The following RIT2 variants were observed in gnomAD, a reference collection of about 807,000 sequenced individuals.
RIT2 encodes Ras like without CAAX 2.
A neutral mutation model predicts 23.7 loss-of-function variants in RIT2; 24 were observed. The ratio of observed to expected loss-of-function variants is 1.01; its 90% CI spans 0.73 to 1.43. RIT2 has a LOEUF of 1.43. Among genes scored for constraint, RIT2 ranks in the 40% most tolerant of loss-of-function variants. The probability of loss-of-function intolerance (pLI) is 0.00; values close to 1 mark genes in which losing one functional copy is unlikely to be tolerated. For missense variants in RIT2, 236 were observed against 266.9 expected, an observed-to-expected ratio of 0.88 and a Z score of 0.81; for synonymous variants, 107 against 91.1, an observed-to-expected ratio of 1.17 and a Z score of -0.99.
intron 3 of RIT2, among the ~76,000 whole-genome samples, chr18:42,926,666 C>T (rs553788277): frequency 8.9e-4 from 135 of 151,998 alleles, no homozygotes; most frequent in Middle Eastern, 3.4e-3. Context: ...AGTTATTGTG[C>T]TTGTTGACCA....
chr18:42,747,834 C>A (rs1163062516), intron 4 of RIT2, among the ~76,000 whole-genome samples: 3 of 151,880 alleles, frequency 2.0e-5, no homozygotes, highest in Non-Finnish European at 4.4e-5. Flanking sequence ...TGGCAAGCCA[C>A]ACGTAGAAGA....
chr18:42,925,554 T>C (rs1909159600), intron 3 of RIT2, among the ~76,000 whole-genome samples: 1 of 151,978 alleles, frequency 6.6e-6, no homozygotes, highest in African/African-American at 2.4e-5. Context: ...TTATGCTACT[T>C]TCTGATTATT....
chr18:42,856,827 CTTTTTTTTTTT>C (rs756725926), intron 4 of RIT2, among the ~76,000 whole-genome samples: 3 of 114,656 alleles, frequency 2.6e-5, no homozygotes, highest in Admixed American at 2.0e-4. Context: ...CTCTCTCTCT[CTTTTTTTTTTT>C]TTTTTTTTTG....
In RIT2 at chr18:43,022,091, G is replaced by A. The variant is rs886690446; in HGVS notation, c.160+11720C>T. The stretch of plus-strand genomic sequence containing the variant: ...CAATGGATGAATGAATAAAGAAAAC[G>A]TGATACATAAACACAATGGAATACT... On this transcript the variant is annotated intron_variant, in intron 2 of 4. Transcript: ENST00000326695. 6.6e-5 allele frequency among the ~76,000 whole-genome samples: 10 copies of A among 152,074 alleles called. No homozygotes were observed. In the East Asian group the frequency reaches 9.7e-4, roughly 15 times the overall value.
At chr18:42,955,888 CTG>C (rs1909960547) in intron 3 of RIT2, among the ~76,000 whole-genome samples, 1 of 152,158 alleles carries the variant, frequency 6.6e-6, no homozygotes, top group African/African-American at 2.4e-5. Context: ...TATAACTACT[CTG>C]TATGAATTTA....
intron 3 of RIT2, among the ~76,000 whole-genome samples, chr18:42,951,498 G>A (rs1446269625): frequency 6.6e-6 from 1 of 151,368 alleles, no homozygotes; most frequent in Non-Finnish European, 1.5e-5. Flanking sequence ...CTGGGCGATG[G>A]GATAATTCAT....
chr18:42,813,954 G>C (rs1479991824), intron 4 of RIT2, among the ~76,000 whole-genome samples: 1 of 152,182 alleles, frequency 6.6e-6, no homozygotes. Flanking sequence ...TATCCCCACT[G>C]GGGAAACTGA....
At chr18:42,856,949 C>T (rs1907201587) in intron 4 of RIT2, among the ~76,000 whole-genome samples, 1 of 151,348 alleles carries the variant, frequency 6.6e-6, no homozygotes, top group African/African-American at 2.4e-5. Context: ...CTGCCTCAGC[C>T]TCCGGAGCAG....
At chr18:42,885,280 T>A (rs1466337897) in intron 4 of RIT2, among the ~76,000 whole-genome samples, 1 of 152,150 alleles carries the variant, frequency 6.6e-6, no homozygotes, top group East Asian at 1.9e-4. Flanking sequence ...AGAAATATTC[T>A]CTAGTTAAAG....
intron 2 of RIT2, among the ~76,000 whole-genome samples, chr18:43,015,496 A>G (rs1315392127): frequency 1.3e-5 from 2 of 151,764 alleles, no homozygotes; most frequent in East Asian, 1.9e-4. Flanking sequence ...AAAGTGATCT[A>G]ACTTAGTTAT....
In RIT2 at chr18:42,996,267, C is replaced by T. The variant is rs550368484; in HGVS notation, c.161-22120G>A. Among the ~76,000 whole-genome samples the T allele has an allele frequency of 5.3e-5, 8 of 152,230 alleles. No individual in the cohort carries two copies. The South Asian group carries it at 1.0e-3, about 20-fold the overall frequency. ...TCCCACTCTAGGTTCCCACGCTGCCCCTAATCCCGCTCAAAGCAGCCCTGA... is the reference window on the plus strand; with the variant it reads ...TCCCACTCTAGGTTCCCACGCTGCCTCTAATCCCGCTCAAAGCAGCCCTGA... On this transcript the variant is annotated intron_variant, in intron 2 of 4. Coordinates refer to ENST00000326695, the MANE Select transcript of RIT2 (RefSeq NM_002930.4).
intron 1 of RIT2, among the ~76,000 whole-genome samples, chr18:43,076,513 A>C (rs1913021652): frequency 6.6e-6 from 1 of 152,072 alleles, no homozygotes; most frequent in South Asian, 2.1e-4. Context: ...AGGAAAGAGG[A>C]GTGTAGGGGT....
chr18:42,744,189 T>A (rs565351458), intron 4 of RIT2, among the ~76,000 whole-genome samples: 2 of 152,144 alleles, frequency 1.3e-5, no homozygotes, highest in Admixed American at 6.5e-5. Flanking sequence ...CCCCACCCCA[T>A]CTCCCTTTGC....
intron 4 of RIT2, among the ~76,000 whole-genome samples, chr18:42,744,359 G>A (rs916862357): frequency 1.3e-5 from 2 of 152,172 alleles, no homozygotes; most frequent in South Asian, 2.1e-4. Context: ...TGTTTTAAGA[G>A]AGAATCCTAG....
chr18:42,777,624 GTA>G (rs1352466681), intron 4 of RIT2, among the ~76,000 whole-genome samples: 1 of 152,132 alleles, frequency 6.6e-6, no homozygotes, highest in Non-Finnish European at 1.5e-5. Flanking sequence ...TTCATTGTCA[GTA>G]TACATATTGT....
chr18:42,960,619 C>T lies in RIT2; in HGVS notation c.234+13455G>A, dbSNP rs1910074257. Among the ~76,000 whole-genome samples, 3 of 152,156 alleles carry T rather than the reference C, an allele frequency of 2.0e-5. No homozygotes were observed. In the South Asian group the frequency reaches 6.2e-4, roughly 32 times the overall value. On this transcript the variant is annotated intron_variant, in intron 3 of 4. Transcript: ENST00000326695. ...CGTGAGCCACTGCACCCAGCCCTGC[C>T]AATGTTTTTAGCAGTACTCCTCAAT...
rs928260644 is a variant in RIT2 at position 42,988,062 on chromosome 18, TA to T, written c.161-13916del. 3.2e-4 allele frequency among the ~76,000 whole-genome samples: 48 copies of T among 152,278 alleles called. 2 individuals are homozygous for T. The Middle Eastern group carries it at 0.024, about 76-fold the overall frequency. ...ATATACAAATTATATCACCAGAGTGTATCAATAGTAGATGTATAAATCAACT... is the reference window on the plus strand; with the variant it reads ...ATATACAAATTATATCACCAGAGTGTTCAATAGTAGATGTATAAATCAACT... On this transcript the variant is annotated intron_variant, in intron 2 of 4. Coordinates refer to ENST00000326695, the MANE Select transcript of RIT2 (RefSeq NM_002930.4).
In RIT2 at chr18:42,898,601, ATTTG is replaced by A. The variant is rs564299738; in HGVS notation, c.426+24967_426+24970del. On this transcript the variant is annotated intron_variant, in intron 4 of 4. Coordinates refer to ENST00000326695, the MANE Select transcript of RIT2 (RefSeq NM_002930.4). ...ATAATAAATATTATGTTATTATATA[ATTTG>A]TTTGATTAATATAGAGTCCACATTC... is the stretch of plus-strand genomic sequence containing the variant. 4.6e-3 allele frequency among the ~76,000 whole-genome samples: 699 copies of A among 152,306 alleles called. 3 individuals are homozygous for A. Among genetic ancestry groups the A allele is most frequent in the Non-Finnish European group, 7.5e-3 (507 of 68,024 alleles).
chr18:42,906,893 C>T (rs1175161608), intron 4 of RIT2, among the ~76,000 whole-genome samples: 8 of 152,128 alleles, frequency 5.3e-5, no homozygotes, highest in Admixed American at 5.2e-4. Context: ...AACCGTCCTG[C>T]CTATTGTCTT....
Sources: gnomAD v4.1 joint callset for allele counts (sites outside exome capture counted in the v4.1 genomes callset) on GRCh38, gnomAD v4.1.1 for gene constraint, MANE v1.5 for transcripts, NCBI Gene and HGNC (gene_info 2026-07-23, HGNC 2026-07-21) for gene names.